The following TRPC5 variants were observed in gnomAD, a reference collection of about 807,000 sequenced individuals.
TRPC5 encodes transient receptor potential cation channel subfamily C member 5.
A neutral mutation model predicts 56.5 loss-of-function variants in TRPC5; 9 were observed. That is an observed-to-expected ratio of 0.16 (90% CI 0.10 to 0.28). The LOEUF is 0.28. TRPC5 is among the 10% of genes least tolerant of loss of function. The pLI, the probability that TRPC5 is intolerant of heterozygous loss-of-function variation, is 1.00. For synonymous variants in TRPC5, 282 were observed against 278.5 expected (o/e 1.01, Z -0.13); for missense variants, 469 against 748.9 (o/e 0.63, Z 4.36).
intron 7 of TRPC5, among the ~76,000 whole-genome samples, chrX:111,785,258 C>T (rs143559216): frequency 2.1e-3 from 236 of 111,957 alleles, no homozygotes; most frequent in African/African-American, 7.4e-3. Context: ...ACTGGGGACA[C>T]GCAGGTAAAC....
At chrX:111,969,770 G>A (rs7877346) in intron 1 of TRPC5, among the ~76,000 whole-genome samples, 2,729 of 111,274 alleles carry the variant, frequency 0.025, 85 homozygotes, top group African/African-American at 0.084. Flanking sequence ...GTAGGAGTAA[G>A]TAAGCTGGGC....
intron 1 of TRPC5, among the ~76,000 whole-genome samples, chrX:112,031,620 T>C (rs1929587030): frequency 9.1e-6 from 1 of 110,015 alleles, no homozygotes; most frequent in South Asian, 3.8e-4. Context: ...AATTCACCTA[T>C]TATGGATATA....
At position 111,770,446 on chromosome X, in the gene TRPC5, C is replaced by T. The variant is rs751575100; in HGVS notation, c.*5867G>A. 1.6e-4 allele frequency among the ~76,000 whole-genome samples: 18 copies of T among 111,853 alleles called. 1 individual carries two copies. Among genetic ancestry groups the T allele is most frequent in the Non-Finnish European group, 3.2e-4 (17 of 53,156 alleles). On this transcript the variant is annotated 3_prime_UTR_variant, in exon 11 of 11. Transcript: ENST00000262839. Reference sequence around the variant, plus strand: ...GTAGTTCTGCTTTCATATATTGTTGCATTTTTTGAATTTCATTAAAGGAGA... The same window carrying T: ...GTAGTTCTGCTTTCATATATTGTTGTATTTTTTGAATTTCATTAAAGGAGA...
At chrX:112,022,317 T>A (rs1303955878) in intron 1 of TRPC5, among the ~76,000 whole-genome samples, 1 of 112,364 alleles carries the variant, frequency 8.9e-6, no homozygotes, top group African/African-American at 3.2e-5. Context: ...AAAGAGCTTT[T>A]GGTTGAAACG....
intron 1 of TRPC5, among the ~76,000 whole-genome samples, chrX:112,059,757 A>G (rs1002974888): frequency 1.8e-5 from 2 of 112,370 alleles, no homozygotes; most frequent in Admixed American, 9.4e-5. Context: ...CCAAAATGCC[A>G]GAGTAGCTCT....
chrX:111,941,847 G>A (rs915460045), intron 2 of TRPC5, among the ~76,000 whole-genome samples: 2 of 112,216 alleles, frequency 1.8e-5, no homozygotes, highest in African/African-American at 3.2e-5. Flanking sequence ...GCAGCCACAC[G>A]GACTCCAGGC....
chrX:112,036,268 T>A (rs1453111511), intron 1 of TRPC5, among the ~76,000 whole-genome samples: 1 of 112,152 alleles, frequency 8.9e-6, no homozygotes, highest in Non-Finnish European at 1.9e-5. Flanking sequence ...ACCATAATCT[T>A]TCACCCCAGT....
chrX:112,074,411 G>T (rs1465800685), intron 1 of TRPC5, among the ~76,000 whole-genome samples: 2 of 109,400 alleles, frequency 1.8e-5, no homozygotes, highest in Non-Finnish European at 3.8e-5. Flanking sequence ...CTTCCTAACT[G>T]GTATGCCTGC....
chrX:112,049,904 G>A (rs112830156), intron 1 of TRPC5, among the ~76,000 whole-genome samples: 6,013 of 112,160 alleles, frequency 0.054, 383 homozygotes, highest in African/African-American at 0.18. Context: ...GGCTGGGCGT[G>A]GTGGCTCACG....
chrX:112,004,623 A>G (rs2148660763), intron 1 of TRPC5, among the ~76,000 whole-genome samples: 1 of 111,939 alleles, frequency 8.9e-6, no homozygotes, highest in East Asian at 2.8e-4. Flanking sequence ...ACACTCTGAG[A>G]TGGATCCCAG....
At chrX:112,050,989 C>T (rs1490268905) in intron 1 of TRPC5, among the ~76,000 whole-genome samples, 2 of 112,434 alleles carry the variant, frequency 1.8e-5, no homozygotes, top group Non-Finnish European at 1.9e-5. Context: ...TCACCCCCAA[C>T]GTGTATACCC....
At position 111,820,372 on chromosome X, in the gene TRPC5, ACT is replaced by A. The variant is rs1172520998; in HGVS notation, c.1896+14547_1896+14548del. 7.1e-5 allele frequency among the ~76,000 whole-genome samples: 8 copies of A among 112,184 alleles called. No homozygotes were observed. In the Admixed American group the frequency reaches 7.6e-4, roughly 11 times the overall value. Reference sequence around the variant, plus strand: ...TTGAAAATAGACACATTTTGAAGCAACTACAGTAGGAGGGGGTAAACTATGGC... The same window carrying A: ...TTGAAAATAGACACATTTTGAAGCAAACAGTAGGAGGGGGTAAACTATGGC... On this transcript the variant is annotated intron_variant, in intron 7 of 10. Transcript: ENST00000262839.
chrX:112,048,399 C>CAAAAAAAAAA (rs58537492), intron 1 of TRPC5, among the ~76,000 whole-genome samples: 677 of 21,474 alleles, frequency 0.032, 38 homozygotes, highest in Non-Finnish European at 0.051. Context: ...GACTCCGTAT[C>CAAAAAAAAAA]AAAAAAAAAA....
chrX:112,058,547 T>G (rs1471852985), intron 1 of TRPC5, among the ~76,000 whole-genome samples: 1 of 111,590 alleles, frequency 9.0e-6, no homozygotes, highest in Non-Finnish European at 1.9e-5. Context: ...CTAAGGCATA[T>G]GTAGGATATT....
At chrX:112,005,886 A>G (rs1928829557) in intron 1 of TRPC5, among the ~76,000 whole-genome samples, 1 of 111,884 alleles carries the variant, frequency 8.9e-6, no homozygotes, top group Admixed American at 9.5e-5. Flanking sequence ...AGATGCCTGG[A>G]CAAATCTCAT....
intron 9 of TRPC5, 28 bp downstream of exon 9, chrX:111,781,137 G>A (rs1945916532): frequency 4.2e-6 from 5 of 1,197,345 alleles, no homozygotes; most frequent in Middle Eastern, 2.3e-4. Flanking sequence ...AACAACTATT[G>A]TGCTTCATCC....
intron 3 of TRPC5, among the ~76,000 whole-genome samples, chrX:111,892,237 A>G (rs1435550147): frequency 8.9e-6 from 1 of 112,471 alleles, no homozygotes; most frequent in Non-Finnish European, 1.9e-5. Context: ...GTATACGAAG[A>G]TGTTTGCATA....
intron 2 of TRPC5, among the ~76,000 whole-genome samples, chrX:111,930,575 T>A (rs1312127405): frequency 9.0e-6 from 1 of 110,905 alleles, no homozygotes; most frequent in Non-Finnish European, 1.9e-5. Context: ...AACTCCAGCC[T>A]GGGCAACACA....
At chrX:111,926,490 T>C (rs181112845) in intron 2 of TRPC5, among the ~76,000 whole-genome samples, 1 of 112,206 alleles carries the variant, frequency 8.9e-6, no homozygotes, top group Admixed American at 9.4e-5. Flanking sequence ...GCAGCATAGA[T>C]ACAAAACAGT....
Sources: gnomAD v4.1 joint callset for allele counts (sites outside exome capture counted in the v4.1 genomes callset) on GRCh38, gnomAD v4.1.1 for gene constraint, MANE v1.5 for transcripts, NCBI Gene and HGNC (gene_info 2026-07-23, HGNC 2026-07-21) for gene names.